Variants in TSACC observed in about 807,000 individuals in gnomAD.
TSACC encodes TSSK6-activating co-chaperone protein.
A neutral mutation model predicts 6.9 loss-of-function variants in TSACC; 3 were observed. The ratio of observed to expected loss-of-function variants is 0.43; its 90% confidence interval spans 0.20 to 1.12. The LOEUF (loss-of-function observed/expected upper bound fraction) is 1.12, where lower values mean the gene tolerates loss of function less well. Ranked by LOEUF, TSACC falls within the 50% of genes most tolerant of loss-of-function variation. The pLI is 0.28. For missense variants in TSACC, 137 were observed against 143.9 expected, an observed-to-expected ratio of 0.95 and a Z score of 0.24; for synonymous variants, 54 against 55.1, an observed-to-expected ratio of 0.98 and a Z score of 0.09.
intron 2 of TSACC, among the ~76,000 whole-genome samples, chr1:156,343,731 T>A (rs1033553275): frequency 5.3e-5 from 8 of 151,994 alleles, no homozygotes; most frequent in Admixed American, 3.9e-4. Flanking sequence ...TTCTCAAGTT[T>A]TTTGTTGTTG....
At chr1:156,339,839 C>A (rs1245156046) in intron 2 of TSACC, 48 bp downstream of exon 2, 1 of 1,605,102 alleles carries the variant, frequency 6.2e-7, no homozygotes, top group Non-Finnish European at 8.5e-7. Flanking sequence ...GCAAGACCTC[C>A]TTTGCATTCC....
At chr1:156,340,113 T>C (rs935145508) in intron 2 of TSACC, among the ~76,000 whole-genome samples, 1 of 152,214 alleles carries the variant, frequency 6.6e-6, no homozygotes, top group Non-Finnish European at 1.5e-5. Flanking sequence ...CACTTAACTT[T>C]AGCTGGATCA....
intron 2 of TSACC, among the ~76,000 whole-genome samples, chr1:156,341,453 C>G (rs1207895842): frequency 3.3e-5 from 5 of 152,182 alleles, no homozygotes; most frequent in Non-Finnish European, 7.4e-5. Context: ...CACTGCAAGA[C>G]TATCAGTTCC....
intron 2 of TSACC, among the ~76,000 whole-genome samples, chr1:156,341,058 C>G (rs182335734): frequency 5.8e-4 from 88 of 152,228 alleles, no homozygotes; most frequent in African/African-American, 1.4e-3. Context: ...CTCAAGTGAT[C>G]CGCCCACTCT....
chr1:156,339,494 A>G, intron 1 of TSACC, 140 bp from the exon 2 acceptor site: 1 of 435,744 alleles, frequency 2.3e-6, no homozygotes, highest in East Asian at 3.9e-5. Context: ...TGGTTAAATT[A>G]CTATTTTGTC....
intron 3 of TSACC, among the ~76,000 whole-genome samples, chr1:156,345,929 C>T (rs570344792): frequency 6.6e-6 from 1 of 151,174 alleles, no homozygotes; most frequent in South Asian, 2.1e-4. Flanking sequence ...TGCAGTGGCT[C>T]ACACTTGTAA....
chr1:156,338,376 T>C, upstream of TSACC: 1 of 608,044 alleles, frequency 1.6e-6, no homozygotes, highest in Non-Finnish European at 2.9e-6. Flanking sequence ...ATTGACAGCC[T>C]TAGTCCCGCC....
chr1:156,338,988 G>C (rs999150278), intron 1 of TSACC: 9 of 152,488 alleles, frequency 5.9e-5, no homozygotes, highest in African/African-American at 2.2e-4. Context: ...TTTCCGCCGG[G>C]CGCTGTGGCT....
intron 2 of TSACC, among the ~76,000 whole-genome samples, chr1:156,342,821 G>A (rs1457472434): frequency 6.6e-6 from 1 of 152,186 alleles, no homozygotes; most frequent in Non-Finnish European, 1.5e-5. Context: ...TAGGCACTTA[G>A]CTATCTCTTA....
chr1:156,343,550 A>G (rs1038578505), intron 2 of TSACC, among the ~76,000 whole-genome samples: 4 of 152,294 alleles, frequency 2.6e-5, no homozygotes, highest in South Asian at 2.1e-4. Context: ...CAGAATCCAT[A>G]TATTGATCCC....
rs1178974319 is a variant in TSACC at position 156,344,642 on chromosome 1, A to T, written c.97A>T (p.Ile33Phe). The T allele has an allele frequency of 6.2e-7, 1 of 1,614,104 alleles. No homozygotes were observed. The highest frequency in any genetic ancestry group is 1.7e-5 in the Admixed American group (1 of 60,022). ...LCRAKPSPSY[I>F]NLQASSPPAT... ...TAGAGCAAAACCCTCCCCCAGCTAT[A>T]TTAATCTTCAAGCAAGTTCCCCACC... Residue 33 changes from isoleucine (I) to phenylalanine (F), a missense_variant, in exon 3 of 4, where the codon ATT (isoleucine) becomes TTT (phenylalanine). Transcript: ENST00000368254.
intron 3 of TSACC, 68 bp from the exon 4 acceptor site, chr1:156,346,700 A>G: frequency 6.7e-7 from 1 of 1,499,958 alleles, no homozygotes; most frequent in Non-Finnish European, 9.2e-7. Flanking sequence ...GGGTCCTTCC[A>G]ACCTCAGTAC....
chr1:156,346,837 A>C lies in TSACC; in HGVS notation c.233A>C (p.Gln78Pro). Reference protein sequence around the residue: ...CMYANLQLQTQLAQQQMAVLE... With the variant: ...CMYANLQLQTPLAQQQMAVLE... ...TATGCAAACCTCCAGCTTCAGACCCAGCTCGCCCAACAACAGATGGCTGTT... is the reference window on the plus strand; with the variant it reads ...TATGCAAACCTCCAGCTTCAGACCCCGCTCGCCCAACAACAGATGGCTGTT... Residue 78 changes from glutamine (Q) to proline (P), a missense_variant, in exon 4 of 4, where the codon CAG becomes CCG. By Grantham distance (76) the Gln-to-Pro change is moderately conservative (BLOSUM62 -1). Coordinates refer to ENST00000368254, the MANE Select transcript of TSACC (RefSeq NM_001304817.2). 6.2e-7 allele frequency: 1 copy of C among 1,614,188 alleles called. No individual in the cohort carries two copies. The highest frequency in any genetic ancestry group is 8.5e-7 in the Non-Finnish European group (1 of 1,180,026).
chr1:156,340,458 C>CT (rs1294722828), intron 2 of TSACC, among the ~76,000 whole-genome samples: 25,233 of 111,768 alleles, frequency 0.23, 3,852 homozygotes, highest in Non-Finnish European at 0.31. Context: ...CGCCCCCGGC[C>CT]TTTTTTTTTT....
At chr1:156,341,187 T>C (rs1034965780) in intron 2 of TSACC, among the ~76,000 whole-genome samples, 5 of 152,166 alleles carry the variant, frequency 3.3e-5, no homozygotes, top group African/African-American at 1.2e-4. Context: ...ATCGAAACAT[T>C]TAAATTAACT....
chr1:156,342,075 AAAAG>A (rs1276656196), intron 2 of TSACC, among the ~76,000 whole-genome samples: 24 of 151,684 alleles, frequency 1.6e-4, no homozygotes, highest in East Asian at 5.8e-4. Flanking sequence ...AAAAAAAAAA[AAAAG>A]AAAGAAAAAA....
At chr1:156,338,046 G>A, upstream of TSACC, 2 of 1,219,232 alleles carry the variant, frequency 1.6e-6, no homozygotes, top group South Asian at 2.6e-5. Context: ...ACGATGATTG[G>A]AAGGCTCAGT....
At chr1:156,346,293 T>C (rs1176674230) in intron 3 of TSACC, among the ~76,000 whole-genome samples, 1 of 151,950 alleles carries the variant, frequency 6.6e-6, no homozygotes, top group Admixed American at 6.6e-5. Flanking sequence ...TGATACACTA[T>C]GTCAAGTAAC....
upstream of TSACC, chr1:156,338,283 C>G (rs1183288771): frequency 1.7e-6 from 2 of 1,187,918 alleles, no homozygotes; most frequent in East Asian, 2.5e-5. Flanking sequence ...GCTGCCTCCT[C>G]AGGGCTTACA....
Sources: allele counts gnomAD v4.1 joint callset (sites outside exome capture counted in the v4.1 genomes callset), GRCh38; gene constraint gnomAD v4.1.1; transcripts MANE v1.5; gene names NCBI Gene and HGNC (gene_info 2026-07-23, HGNC 2026-07-21).